The following PEAK1 variants were observed in gnomAD, a reference collection of about 807,000 sequenced individuals.
PEAK1 encodes pseudopodium enriched atypical kinase 1.
PEAK1 carries 54 observed loss-of-function variants against 124.7 expected under a neutral mutation model. That is an observed-to-expected ratio of 0.43 (90% confidence interval 0.35 to 0.54). The LOEUF (loss-of-function observed/expected upper bound fraction) is 0.54, where lower values mean the gene tolerates loss of function less well. PEAK1 is among the 20% of genes least tolerant of loss of function. The pLI, the probability that PEAK1 is intolerant of heterozygous loss-of-function variation, is 0.01. For missense variants in PEAK1, 2,046 were observed against 2,134.5 expected (o/e 0.96, Z 0.82); for synonymous variants, 719 against 760.0 (o/e 0.95, Z 0.89).
intron 6 of PEAK1, among the ~76,000 whole-genome samples, chr15:77,195,027 T>C (rs1287394977): frequency 6.6e-6 from 1 of 152,154 alleles, no homozygotes; most frequent in Non-Finnish European, 1.5e-5. Flanking sequence ...GTGAAATGTA[T>C]TTTGGAAAGA....
chr15:77,381,897 A>G (rs1438683428), intron 1 of PEAK1, among the ~76,000 whole-genome samples: 1 of 152,218 alleles, frequency 6.6e-6, no homozygotes, highest in African/African-American at 2.4e-5. Context: ...GGACTAAAAG[A>G]AATGAGATGC....
intron 8 of PEAK1, among the ~76,000 whole-genome samples, chr15:77,151,163 C>T (rs917890915): frequency 6.6e-6 from 1 of 152,020 alleles, no homozygotes; most frequent in Non-Finnish European, 1.5e-5. Context: ...TCCACATCCT[C>T]TCCAGCACCT....
At chr15:77,288,923 G>C (rs1284957658) in intron 2 of PEAK1, among the ~76,000 whole-genome samples, 1 of 118,804 alleles carries the variant, frequency 8.4e-6, no homozygotes, top group Non-Finnish European at 1.7e-5. Context: ...GCAAGACTCC[G>C]TCTCAAAAAA....
rs551100433 is a variant in PEAK1, at chr15:77,112,782, G to A, written c.*1374C>T. 5 of 151,992 alleles carry A rather than the reference G, an allele frequency of 3.3e-5. No homozygotes were observed. The highest frequency in any genetic ancestry group is 4.8e-5 in the African/African-American group (2 of 41,336). 9.4% of individuals were successfully genotyped at this position (151,992 alleles called of 1,614,324 possible). ...GAAGGGGGAGGGTTTCTGTAGACTC[G>A]CTTCAGGTGAAGTTGCAACATAAAC... is the stretch of plus-strand genomic sequence containing the variant. On this transcript the variant is annotated 3_prime_UTR_variant, in exon 10 of 10. Coordinates refer to ENST00000682557, the MANE Select transcript of PEAK1 (RefSeq NM_001385026.1).
At chr15:77,416,969 G>T (rs949718718) in intron 1 of PEAK1, among the ~76,000 whole-genome samples, 2 of 152,212 alleles carry the variant, frequency 1.3e-5, no homozygotes, top group Non-Finnish European at 2.9e-5. Flanking sequence ...TTTGTGGCTT[G>T]TATTAAATTT....
chr15:77,145,363 C>T (rs375398606), intron 8 of PEAK1, among the ~76,000 whole-genome samples: 60 of 152,026 alleles, frequency 3.9e-4, no homozygotes, highest in East Asian at 1.9e-3. Context: ...GCATGAGAAT[C>T]GCTTGAACCT....
chr15:77,378,649 C>T (rs1449604383), intron 1 of PEAK1, among the ~76,000 whole-genome samples: 2 of 152,056 alleles, frequency 1.3e-5, no homozygotes, highest in East Asian at 1.9e-4. Flanking sequence ...TACTTATATG[C>T]TGAAATAAAT....
At chr15:77,248,300 C>T (rs2060688381) in intron 6 of PEAK1, among the ~76,000 whole-genome samples, 1 of 152,124 alleles carries the variant, frequency 6.6e-6, no homozygotes, top group Non-Finnish European at 1.5e-5. Flanking sequence ...GGACAATTAA[C>T]TTTGAGAATG....
intron 2 of PEAK1, chr15:77,346,675 A>T: frequency 2.0e-6 from 2 of 984,000 alleles, no homozygotes; most frequent in Non-Finnish European, 2.4e-6. Context: ...AATTGCAAAA[A>T]CATTAATTGT....
chr15:77,257,089 G>A (rs1852468217), intron 5 of PEAK1, among the ~76,000 whole-genome samples: 1 of 152,080 alleles, frequency 6.6e-6, no homozygotes, highest in Non-Finnish European at 1.5e-5. Context: ...GTATTCCATG[G>A]TGCATACGTG....
rs1476495636 is a variant in PEAK1, at chr15:77,133,915, C to T, written c.3332-165G>A. Among the ~76,000 whole-genome samples, 1 of 152,060 alleles carries T rather than the reference C, an allele frequency of 6.6e-6. No individual in the cohort carries two copies. Among genetic ancestry groups the T allele is most frequent in the African/African-American group, 2.4e-5 (1 of 41,398 alleles). Reference sequence around the variant, plus strand: ...AAGAGAACAACCAAAGAACAAATACCTAAACATTGAAGTATCCAAGCCTTG... The same window carrying T: ...AAGAGAACAACCAAAGAACAAATACTTAAACATTGAAGTATCCAAGCCTTG... On this transcript the variant is annotated intron_variant, in intron 8 of 9. Coordinates refer to ENST00000682557, the MANE Select transcript of PEAK1 (RefSeq NM_001385026.1). This position sits in a 1 kb window ranked among gnomAD's most constrained non-coding sequence, Gnocchi z 4.2.
chr15:77,350,282 A>G (rs939902192), intron 2 of PEAK1: 1 of 985,346 alleles, frequency 1.0e-6, no homozygotes, highest in Non-Finnish European at 1.2e-6. Flanking sequence ...ATGAATTAGA[A>G]GAATCAATAT....
chr15:77,145,431 A>C (rs2054106479), intron 8 of PEAK1, among the ~76,000 whole-genome samples: 1 of 150,864 alleles, frequency 6.6e-6, no homozygotes, highest in Non-Finnish European at 1.5e-5. Context: ...CTTGGGCTAC[A>C]GAGTGAGATT....
intron 2 of PEAK1, chr15:77,334,681 TA>T (rs1254569445): frequency 1.0e-6 from 1 of 985,382 alleles, no homozygotes; most frequent in Non-Finnish European, 1.2e-6. Flanking sequence ...CATTTCCATC[TA>T]TTTTTTTAAC....
At chr15:77,339,115 CTT>C (rs398057842) in intron 2 of PEAK1, among the ~76,000 whole-genome samples, 16 of 139,354 alleles carry the variant, frequency 1.1e-4, no homozygotes, top group Admixed American at 1.4e-4. Context: ...AATGTTAAGA[CTT>C]TTTTTTTTTT....
intron 1 of PEAK1, chr15:77,402,460 A>C (rs1017492432): frequency 8.1e-6 from 8 of 984,342 alleles, no homozygotes; most frequent in African/African-American, 1.7e-5. Flanking sequence ...ATCTTTTAGT[A>C]ATGTGCCATA....
chr15:77,389,798 A>ATAC (rs1323861006), intron 1 of PEAK1, among the ~76,000 whole-genome samples: 1 of 152,182 alleles, frequency 6.6e-6, no homozygotes, highest in Non-Finnish European at 1.5e-5. Flanking sequence ...CCATCCCTGT[A>ATAC]TACCCTAGAA....
rs1252994675 is a variant in PEAK1 at position 77,180,874 on chromosome 15, TTCTTCTG to T, written c.1046_1052del (p.Thr349AsnfsTer30). 1 of 1,613,964 alleles carries T rather than the reference TTCTTCTG, an allele frequency of 6.2e-7. No individual in the cohort carries two copies. The highest frequency in any genetic ancestry group is 8.5e-7 in the Non-Finnish European group (1 of 1,180,006). On this transcript the variant is annotated frameshift_variant, in exon 7 of 10. Transcript: ENST00000682557. LOFTEE classifies it high-confidence loss of function. ...AACTACTGGCTGTCTCAGAACGTGA[TTCTTCTG>T]TTAAAGAAGAATCTGGTGATGTGGA...
intron 2 of PEAK1, among the ~76,000 whole-genome samples, chr15:77,289,383 T>TA (rs1201540964): frequency 6.6e-6 from 1 of 152,250 alleles, no homozygotes; most frequent in Non-Finnish European, 1.5e-5. Flanking sequence ...AAGGGCTGGT[T>TA]AATCTTACAA....
Sources: gnomAD v4.1 joint callset for allele counts (sites outside exome capture counted in the v4.1 genomes callset) on GRCh38, gnomAD v4.1.1 for gene constraint, Gnocchi (gnomAD v3.1) non-coding constraint, MANE v1.5 for transcripts, NCBI Gene and HGNC (gene_info 2026-07-23, HGNC 2026-07-21) for gene names.